LYRM4: variants seen among roughly 807,000 people sequenced by gnomAD.
LYRM4 encodes the protein LYR motif containing 4.
LYRM4 carries 9 observed loss-of-function variants against 11.7 expected under a neutral mutation model. That is an observed-to-expected ratio of 0.77 (90% CI 0.46 to 1.34). LYRM4 has a LOEUF of 1.34. Ranked by LOEUF, LYRM4 falls within the 40% of genes most tolerant of loss-of-function variation. The pLI, the probability that LYRM4 is intolerant of heterozygous loss-of-function variation, is 0.00. For synonymous variants in LYRM4, 42 were observed against 40.4 expected, an observed-to-expected ratio of 1.04 and a Z score of -0.15; for missense variants, 133 against 112.5, an observed-to-expected ratio of 1.18 and a Z score of -0.82.
At chr6:5,107,112 G>A (rs1428905293), downstream of LYRM4, 1 of 152,274 alleles carries the variant, frequency 6.6e-6, no homozygotes, top group Non-Finnish European at 1.5e-5. Context: ...CACAGAATTC[G>A]GATTTGTATC....
At chr6:5,201,541 C>G (rs113347632) in intron 2 of LYRM4, among the ~76,000 whole-genome samples, 2 of 152,322 alleles carry the variant, frequency 1.3e-5, no homozygotes, top group African/African-American at 4.8e-5. Flanking sequence ...GGCTGCCCTG[C>G]TGGGTCACCT....
intron 2 of LYRM4, among the ~76,000 whole-genome samples, chr6:5,113,735 CTTT>C (rs10708540): frequency 1.5e-3 from 221 of 147,684 alleles, no homozygotes; most frequent in Non-Finnish European, 1.3e-3. Flanking sequence ...TTCTCTCTCT[CTTT>C]TTTTTTTTTT....
intron 2 of LYRM4, among the ~76,000 whole-genome samples, chr6:5,180,783 T>A (rs1020337599): frequency 6.6e-6 from 1 of 152,232 alleles, no homozygotes; most frequent in Non-Finnish European, 1.5e-5. Context: ...TTGCCAATCC[T>A]AGCCTGGGGA....
intron 1 of LYRM4, among the ~76,000 whole-genome samples, chr6:5,247,566 T>A (rs1209535033): frequency 1.3e-5 from 2 of 152,218 alleles, no homozygotes; most frequent in African/African-American, 4.8e-5. Flanking sequence ...AGGGAAAATA[T>A]CTGAGTGAAT....
chr6:5,238,003 G>A (rs1457058602), intron 1 of LYRM4, among the ~76,000 whole-genome samples: 1 of 152,162 alleles, frequency 6.6e-6, no homozygotes, highest in African/African-American at 2.4e-5. Context: ...TGCATAGGCT[G>A]CTGGGAAGCT....
the LYRM4 span, among the ~76,000 whole-genome samples, chr6:5,097,534 A>G: frequency 6.6e-6 from 1 of 152,148 alleles, no homozygotes; most frequent in Non-Finnish European, 1.5e-5. Context: ...GATTTTTTGT[A>G]GAGATGGCAT....
Position 5,211,247 on chromosome 6 carries a change from G to A in LYRM4, c.207+5371C>T, listed in dbSNP as rs114983444. Among the ~76,000 whole-genome samples the A allele has an allele frequency of 8.5e-3, 1,301 of 152,186 alleles. 24 individuals carry two copies. Among genetic ancestry groups the A allele is most frequent in the African/African-American group, 0.03 (1,228 of 41,522 alleles). ...TAACCACCATCTAGGGAACTGGAGC[G>A]GATATTGCAGTGACTGACAATGAGA... On this transcript the variant is annotated intron_variant, in intron 2 of 2. Transcript: ENST00000330636.
intron 2 of LYRM4, among the ~76,000 whole-genome samples, chr6:5,135,477 G>T (rs367703667): frequency 2.0e-5 from 2 of 100,490 alleles, no homozygotes; most frequent in South Asian, 4.7e-4. Context: ...GGTGCGGATC[G>T]CTCCTGGGGC....
the LYRM4 span, among the ~76,000 whole-genome samples, chr6:5,056,013 A>G: frequency 8.2e-6 from 1 of 122,302 alleles, no homozygotes; most frequent in Non-Finnish European, 1.8e-5. Context: ...CTTTCTTTTT[A>G]TTATTAGAGA....
intron 2 of LYRM4, among the ~76,000 whole-genome samples, chr6:5,166,766 C>T (rs558867421): frequency 2.6e-5 from 4 of 152,100 alleles, no homozygotes; most frequent in East Asian, 3.8e-4. Context: ...TTCAAAAGCT[C>T]GCTTGGATGA....
In LYRM4 at chr6:5,216,679, G is replaced by A; in HGVS notation, c.146C>T (p.Pro49Leu). Residue 49 changes from proline (P) to leucine (L), a missense_variant, in exon 2 of 3, where the codon CCT becomes CTT. By Grantham distance (98) the Pro-to-Leu change is moderately conservative. Coordinates refer to ENST00000330636, the MANE Select transcript of LYRM4 (RefSeq NM_020408.6). ...ATTCACTAGGGTTTGAATTTCTACA[G>A]GATCCTTTACATTTTTATTTTCTCT... ...AFRENKNVKD[P>L]VEIQTLVNKA... 1 of 1,613,884 alleles carries A rather than the reference G, an allele frequency of 6.2e-7. No individual in the cohort carries two copies. Among genetic ancestry groups the A allele is most frequent in the Non-Finnish European group, 8.5e-7 (1 of 1,179,964 alleles).
In LYRM4 at chr6:5,118,407, A is replaced by G. The variant is rs113908866; in HGVS notation, c.208-8916T>C. 8.0e-3 allele frequency among the ~76,000 whole-genome samples: 1,222 copies of G among 152,214 alleles called. 8 individuals carry two copies. Among genetic ancestry groups the G allele is most frequent in the African/African-American group, 0.026 (1,099 of 41,528 alleles). On this transcript the variant is annotated intron_variant, in intron 2 of 2. Coordinates refer to ENST00000330636, the MANE Select transcript of LYRM4 (RefSeq NM_020408.6). ...GCTAGGATTACAGGCATGAGCCACC[A>G]TGCCTGGCCAATACATTTTTGATAG...
chr6:5,243,552 C>A (rs536294001), intron 1 of LYRM4, among the ~76,000 whole-genome samples: 2 of 152,198 alleles, frequency 1.3e-5, no homozygotes, highest in Admixed American at 6.5e-5. Context: ...CCCTCTTATT[C>A]CCTAGGGTTA....
rs530698952 is a variant in LYRM4 at position 5,174,193 on chromosome 6, A to C, written c.207+42425T>G. On this transcript the variant is annotated intron_variant, in intron 2 of 2. Coordinates refer to ENST00000330636, the MANE Select transcript of LYRM4 (RefSeq NM_020408.6). ...TTTAAGTTAGGGCAAAGAAAAAATA[A>C]AGAGTCTTTCACAATCAGCTGTTGG... Among the ~76,000 whole-genome samples the C allele has an allele frequency of 9.9e-5, 15 of 152,100 alleles. No homozygotes were observed. In the South Asian group the frequency reaches 3.1e-3, roughly 32 times the overall value.
chr6:5,043,341 CT>C, the LYRM4 span: 2 of 152,048 alleles, frequency 1.3e-5, 1 homozygote, highest in South Asian at 4.2e-4. Context: ...ATTTCGTCTG[CT>C]AATGCCATGT....
intron 2 of LYRM4, among the ~76,000 whole-genome samples, chr6:5,142,289 C>G (rs1247459833): frequency 4.6e-5 from 7 of 152,214 alleles, no homozygotes; most frequent in African/African-American, 1.7e-4. Flanking sequence ...TGTGAGGAAG[C>G]CCAGGTTACA....
chr6:5,208,960 T>C (rs1761847111), intron 2 of LYRM4, among the ~76,000 whole-genome samples: 1 of 152,188 alleles, frequency 6.6e-6, no homozygotes, highest in Non-Finnish European at 1.5e-5. Flanking sequence ...ATCCAAAAGA[T>C]ATAGGGTTCA....
intron 2 of LYRM4, among the ~76,000 whole-genome samples, chr6:5,154,766 C>T (rs1758301351): frequency 2.0e-5 from 3 of 152,094 alleles, no homozygotes; most frequent in Non-Finnish European, 4.4e-5. Context: ...TTGCAGTGAG[C>T]CGGGATCGCG....
chr6:5,219,355 T>C lies in LYRM4; in HGVS notation c.87-2617A>G, dbSNP rs546502114. Among the ~76,000 whole-genome samples the C allele has an allele frequency of 2.6e-5, 4 of 151,016 alleles. No homozygotes were observed. The South Asian group carries it at 8.5e-4, about 32-fold the overall frequency. On this transcript the variant is annotated intron_variant, in intron 1 of 2. Coordinates refer to ENST00000330636, the MANE Select transcript of LYRM4 (RefSeq NM_020408.6). ...AAGTCCTTACCTAAAGAAAAGCAGC[T>C]CTAGATCTTGGAATTAAATGTGTCT...
Sources: gnomAD v4.1 joint callset for allele counts (sites outside exome capture counted in the v4.1 genomes callset) on GRCh38, gnomAD v4.1.1 for gene constraint, MANE v1.5 for transcripts, NCBI Gene and HGNC (gene_info 2026-07-23, HGNC 2026-07-21) for gene names.